The following RGS21 variants were observed in gnomAD, a reference collection of about 807,000 sequenced individuals.
The protein encoded by RGS21 is regulator of G-protein signalling 21.
Under a neutral mutation model 18.7 loss-of-function variants are expected in RGS21, and 19 were observed. The observed-to-expected ratio is 1.01, with a 90% CI of 0.71 to 1.49. The LOEUF (loss-of-function observed/expected upper bound fraction) is 1.49. Among genes scored for constraint, RGS21 ranks in the 40% most tolerant of loss-of-function variants. The pLI, the probability that RGS21 is intolerant of heterozygous loss-of-function variation, is 0.00. For missense variants in RGS21, 194 were observed against 176.8 expected (o/e 1.10, Z -0.55); for synonymous variants, 56 against 57.8 (o/e 0.97, Z 0.14).
At position 192,331,817 on chromosome 1, in the gene RGS21, A is replaced by G. The variant is rs573942756; in HGVS notation, c.-60-11160A>G. Among the ~76,000 whole-genome samples, 10 of 152,132 alleles carry G rather than the reference A, an allele frequency of 6.6e-5. No individual in the cohort carries two copies. The East Asian group carries it at 1.9e-3, about 29-fold the overall frequency. ...AGACACAAGGGTCTCTACTTTTGTT[A>G]AAAGATTGAAAATGTATTTATCTCT... is the stretch of plus-strand genomic sequence containing the variant. On this transcript the variant is annotated intron_variant, in intron 1 of 4. Transcript: ENST00000417209.
intron 1 of RGS21, among the ~76,000 whole-genome samples, chr1:192,322,077 T>A (rs1226370425): frequency 1.3e-5 from 2 of 152,092 alleles, no homozygotes; most frequent in African/African-American, 2.4e-5. Context: ...ATCCTGCCCC[T>A]TGCAGGGGAC....
chr1:192,331,477 G>A (rs888256822), intron 1 of RGS21, among the ~76,000 whole-genome samples: 35 of 151,950 alleles, frequency 2.3e-4, no homozygotes, highest in Admixed American at 1.8e-3. Context: ...AACATGGGAG[G>A]CGGAGGTTGC....
intron 1 of RGS21, among the ~76,000 whole-genome samples, chr1:192,333,524 G>A (rs1404493420): frequency 1.4e-5 from 2 of 147,112 alleles, no homozygotes; most frequent in East Asian, 2.0e-4. Context: ...AGTCACATGC[G>A]AAATGATGTG....
intron 2 of RGS21, among the ~76,000 whole-genome samples, chr1:192,345,656 C>T (rs1329970242): frequency 6.6e-6 from 1 of 151,980 alleles, no homozygotes; most frequent in African/African-American, 2.4e-5. Context: ...GCTGCCTGTT[C>T]CTCATTCAAA....
At chr1:192,343,534 C>A (rs1658904444) in intron 2 of RGS21, among the ~76,000 whole-genome samples, 1 of 152,064 alleles carries the variant, frequency 6.6e-6, no homozygotes, top group Non-Finnish European at 1.5e-5. Flanking sequence ...TAATGCAATA[C>A]AACTGGTTCT....
chr1:192,319,812 C>T (rs190011182), intron 1 of RGS21, among the ~76,000 whole-genome samples: 1 of 152,116 alleles, frequency 6.6e-6, no homozygotes, highest in Non-Finnish European at 1.5e-5. Flanking sequence ...TCTCTTTCCT[C>T]TATGTGCCTG....
chr1:192,341,133 C>T (rs1159123224), intron 1 of RGS21, among the ~76,000 whole-genome samples: 3 of 152,028 alleles, frequency 2.0e-5, no homozygotes, highest in Admixed American at 2.0e-4. Context: ...CTCTTAACCC[C>T]TTTCTCACAT....
intron 4 of RGS21, among the ~76,000 whole-genome samples, chr1:192,357,856 A>G (rs1405578921): frequency 6.6e-6 from 1 of 152,060 alleles, no homozygotes; most frequent in Non-Finnish European, 1.5e-5. Flanking sequence ...ATATGACATT[A>G]GAAGGAAAAA....
intron 1 of RGS21, among the ~76,000 whole-genome samples, chr1:192,332,084 G>T (rs1335039448): frequency 1.3e-5 from 2 of 151,952 alleles, no homozygotes; most frequent in African/African-American, 4.8e-5. Flanking sequence ...TAACTGATAA[G>T]CTTAAGGTAC....
intron 1 of RGS21, among the ~76,000 whole-genome samples, chr1:192,336,445 AC>A (rs199708784): frequency 0.016 from 2,435 of 152,208 alleles, 26 homozygotes; most frequent in Middle Eastern, 0.061. Context: ...CAAGACTGAA[AC>A]CCCATCTAAA....
At chr1:192,349,272 T>A (rs1322762187) in intron 3 of RGS21, among the ~76,000 whole-genome samples, 1 of 152,206 alleles carries the variant, frequency 6.6e-6, no homozygotes, top group Non-Finnish European at 1.5e-5. Flanking sequence ...TGGGATTTTA[T>A]ATTTCATGCC....
chr1:192,345,743 T>G (rs1658935947), intron 2 of RGS21, among the ~76,000 whole-genome samples: 1 of 152,078 alleles, frequency 6.6e-6, no homozygotes, highest in East Asian at 1.9e-4. Flanking sequence ...TAGCTTTAAT[T>G]TGAATACCCT....
At chr1:192,320,919 A>C (rs1361347877) in intron 1 of RGS21, among the ~76,000 whole-genome samples, 2 of 152,042 alleles carry the variant, frequency 1.3e-5, no homozygotes, top group African/African-American at 4.8e-5. Flanking sequence ...AGGATTTACA[A>C]AACTTTGACT....
intron 1 of RGS21, among the ~76,000 whole-genome samples, chr1:192,334,809 AT>A (rs1214844973): frequency 3.9e-5 from 6 of 152,072 alleles, no homozygotes; most frequent in Non-Finnish European, 5.9e-5. Context: ...TATGTGTTCC[AT>A]CTCTCTTTTT....
chr1:192,332,381 C>A (rs1658669758), intron 1 of RGS21, among the ~76,000 whole-genome samples: 1 of 152,102 alleles, frequency 6.6e-6, no homozygotes, highest in African/African-American at 2.4e-5. Context: ...AAAATTTAAT[C>A]CCTGCCAAAC....
At chr1:192,356,500 A>G (rs1268319673) in intron 4 of RGS21, among the ~76,000 whole-genome samples, 2 of 151,844 alleles carry the variant, frequency 1.3e-5, no homozygotes, top group African/African-American at 4.8e-5. Flanking sequence ...AAAGCAACAA[A>G]TGATTAAGTG....
rs1217455574 is a variant in RGS21, at chr1:192,347,295, T to C, written c.12-18T>C. Reference sequence around the variant, plus strand: ...TGGTTAAAGAAGAAAAAGATCACAATGCTATTGTCAAGGTTAGATGCTGTT... The same window carrying C: ...TGGTTAAAGAAGAAAAAGATCACAACGCTATTGTCAAGGTTAGATGCTGTT... On this transcript the variant is annotated intron_variant, in intron 2 of 4. Transcript: ENST00000417209. The C allele has an allele frequency of 6.7e-7, 1 of 1,491,672 alleles. No homozygotes were observed. Among genetic ancestry groups the C allele is most frequent in the African/African-American group, 1.4e-5 (1 of 72,710 alleles). The allele number at this position is 1,491,672 out of a possible 1,614,324, so 92.4% of individuals were successfully genotyped here.
intron 1 of RGS21, among the ~76,000 whole-genome samples, chr1:192,318,585 T>C (rs1408144417): frequency 6.6e-6 from 1 of 152,138 alleles, no homozygotes. Context: ...GAGAAATTCC[T>C]AGGTCAGATA....
At chr1:192,342,540 GAT>G (rs1341859286) in intron 1 of RGS21, among the ~76,000 whole-genome samples, 1 of 151,802 alleles carries the variant, frequency 6.6e-6, no homozygotes, top group African/African-American at 2.4e-5. Flanking sequence ...AGTTGTTTAA[GAT>G]AAGTATACTA....
Sources: gnomAD v4.1 joint callset for allele counts (sites outside exome capture counted in the v4.1 genomes callset) on GRCh38, gnomAD v4.1.1 for gene constraint, MANE v1.5 for transcripts, NCBI Gene and HGNC (gene_info 2026-07-23, HGNC 2026-07-21) for gene names.